CNTN5: variants seen among roughly 807,000 people sequenced by gnomAD.
CNTN5 encodes contactin 5.
CNTN5 carries 77 observed loss-of-function variants against 129.1 expected under a neutral mutation model. That is an observed-to-expected ratio of 0.60 (90% CI 0.50 to 0.72). CNTN5 has a LOEUF of 0.72. Among genes scored for constraint, CNTN5 ranks in the 30% least tolerant of loss-of-function variants. CNTN5 has a pLI of 0.00. For synonymous variants in CNTN5, 509 were observed against 465.6 expected (o/e 1.09, Z -1.20); for missense variants, 1,478 against 1,328.8 (o/e 1.11, Z -1.75).
intron 1 of CNTN5, among the ~76,000 whole-genome samples, chr11:99,109,226 T>A (rs1012477380): frequency 6.6e-6 from 1 of 151,852 alleles, no homozygotes; most frequent in Non-Finnish European, 1.5e-5. Context: ...TAATCCAATA[T>A]AATATATTTT....
chr11:100,076,475 C>T (rs1944130312), intron 13 of CNTN5, among the ~76,000 whole-genome samples: 1 of 151,932 alleles, frequency 6.6e-6, no homozygotes, highest in South Asian at 2.1e-4. Context: ...CATAAGCTTA[C>T]TAAATTTTTT....
chr11:99,928,131 G>T (rs1054141570), intron 7 of CNTN5, among the ~76,000 whole-genome samples: 1 of 152,178 alleles, frequency 6.6e-6, no homozygotes, highest in African/African-American at 2.4e-5. Context: ...CAACATCCAG[G>T]TCACACTGAT....
chr11:100,265,336 C>A (rs1362002126), intron 17 of CNTN5, among the ~76,000 whole-genome samples: 3 of 152,080 alleles, frequency 2.0e-5, no homozygotes, highest in African/African-American at 4.8e-5. Flanking sequence ...GAGCTGTCCA[C>A]AAGGTTTGCA....
chr11:99,519,365 C>A (rs1362535526), intron 2 of CNTN5, among the ~76,000 whole-genome samples: 1 of 151,968 alleles, frequency 6.6e-6, no homozygotes, highest in Non-Finnish European at 1.5e-5. Context: ...ACAGTTTGTT[C>A]ACAGCACCAA....
At chr11:100,321,563 T>TAG (rs1407349310) in intron 21 of CNTN5, among the ~76,000 whole-genome samples, 1 of 152,186 alleles carries the variant, frequency 6.6e-6, no homozygotes, top group Non-Finnish European at 1.5e-5. Flanking sequence ...GTATTTGCTC[T>TAG]GGCTAGGACT....
At chr11:99,283,381 C>T (rs1337462988) in intron 1 of CNTN5, among the ~76,000 whole-genome samples, 2 of 151,708 alleles carry the variant, frequency 1.3e-5, no homozygotes, top group Non-Finnish European at 3.0e-5. Flanking sequence ...CTCTCTGTCT[C>T]ACACACACAT....
At chr11:100,230,512 C>T (rs1023749340) in intron 16 of CNTN5, among the ~76,000 whole-genome samples, 34 of 152,278 alleles carry the variant, frequency 2.2e-4, no homozygotes, top group African/African-American at 7.0e-4. Context: ...ATTTTCTGCA[C>T]CAGCTTTAGT....
chr11:99,776,253 T>C (rs1945120225), intron 3 of CNTN5, among the ~76,000 whole-genome samples: 1 of 151,956 alleles, frequency 6.6e-6, no homozygotes, highest in Non-Finnish European at 1.5e-5. Context: ...CACAGCATCC[T>C]GTAGGAGTAC....
intron 3 of CNTN5, among the ~76,000 whole-genome samples, chr11:99,789,016 C>A (rs1053889972): frequency 1.3e-5 from 2 of 151,654 alleles, no homozygotes; most frequent in Non-Finnish European, 3.0e-5. Context: ...TTGTAAAAAT[C>A]TAACATCTCC....
At chr11:99,273,137 C>T (rs181239500) in intron 1 of CNTN5, among the ~76,000 whole-genome samples, 1 of 151,712 alleles carries the variant, frequency 6.6e-6, no homozygotes, top group Admixed American at 6.6e-5. Flanking sequence ...ATACGTAAAT[C>T]CTAGAGTTAT....
chr11:99,625,863 T>A (rs1473458782), intron 3 of CNTN5, among the ~76,000 whole-genome samples: 1 of 151,594 alleles, frequency 6.6e-6, no homozygotes. Context: ...AATATGATCT[T>A]TATGTCAAGT....
chr11:99,222,847 G>A (rs1334048485), intron 1 of CNTN5, among the ~76,000 whole-genome samples: 2 of 151,986 alleles, frequency 1.3e-5, no homozygotes, highest in Non-Finnish European at 2.9e-5. Flanking sequence ...TAACTGTTTT[G>A]ATTGATTTAA....
At chr11:99,226,511 C>A (rs568363514) in intron 1 of CNTN5, among the ~76,000 whole-genome samples, 1 of 152,240 alleles carries the variant, frequency 6.6e-6, no homozygotes, top group South Asian at 2.1e-4. Flanking sequence ...TACTGTCTTT[C>A]CCTTACATAT....
At chr11:99,266,931 C>T (rs914385156) in intron 1 of CNTN5, among the ~76,000 whole-genome samples, 3 of 151,940 alleles carry the variant, frequency 2.0e-5, no homozygotes, top group African/African-American at 7.2e-5. Flanking sequence ...TCCAAGTGCT[C>T]TGGCATCTTG....
At chr11:99,533,889 G>T (rs1337730887) in intron 2 of CNTN5, among the ~76,000 whole-genome samples, 1 of 152,150 alleles carries the variant, frequency 6.6e-6, no homozygotes, top group East Asian at 1.9e-4. Context: ...AACATTGCAG[G>T]GTCCATACTC....
chr11:99,664,549 C>T (rs547420691), intron 3 of CNTN5, among the ~76,000 whole-genome samples: 64 of 152,172 alleles, frequency 4.2e-4, no homozygotes, highest in African/African-American at 1.3e-3. Flanking sequence ...TGGCATTTTT[C>T]GCTATAGCCA....
chr11:100,121,507 G>C (rs1946020931), intron 13 of CNTN5, among the ~76,000 whole-genome samples: 1 of 152,060 alleles, frequency 6.6e-6, no homozygotes, highest in South Asian at 2.1e-4. Flanking sequence ...GTGGGGGCAG[G>C]GGGTGGGGAG....
At chr11:99,539,000 G>T (rs1053082774) in intron 2 of CNTN5, among the ~76,000 whole-genome samples, 2 of 151,914 alleles carry the variant, frequency 1.3e-5, no homozygotes, top group South Asian at 2.1e-4. Flanking sequence ...GTGGAGTAGG[G>T]TATCACAATG....
At chr11:99,597,634 G>C (rs970246283) in intron 3 of CNTN5, among the ~76,000 whole-genome samples, 1 of 151,972 alleles carries the variant, frequency 6.6e-6, no homozygotes, top group Non-Finnish European at 1.5e-5. Context: ...TTAATTTTAG[G>C]TCCTCTGCTT....
Sources: gnomAD v4.1 joint callset for allele counts (sites outside exome capture counted in the v4.1 genomes callset) on GRCh38, gnomAD v4.1.1 for gene constraint, MANE v1.5 for transcripts, NCBI Gene and HGNC (gene_info 2026-07-23, HGNC 2026-07-21) for gene names.